Variants in PUS10 observed in about 807,000 individuals in gnomAD.
PUS10 encodes the protein tRNA pseudouridine synthase Pus10.
In PUS10, 59 loss-of-function variants were observed where a neutral mutation model predicts 75.0. That is an observed-to-expected ratio of 0.79 (90% CI 0.64 to 0.98). The LOEUF is 0.98. Ranked by LOEUF, PUS10 falls within the 50% of genes least tolerant of loss-of-function variation. The pLI, the probability that PUS10 is intolerant of heterozygous loss-of-function variation, is 0.00. For synonymous variants in PUS10, 219 were observed against 211.6 expected (o/e 1.03, Z -0.30); for missense variants, 650 against 614.4 (o/e 1.06, Z -0.61).
chr2:60,989,068 T>C lies in PUS10; in HGVS notation c.468+17489A>G, dbSNP rs143695077. ...AACAATTTGAAAGCTAGAAAGCAGA[T>C]TGAACAGTGGTAAAGGACTTAGCAG... On this transcript the variant is annotated intron_variant, in intron 4 of 17. Transcript: ENST00000316752. Among the ~76,000 whole-genome samples the C allele has an allele frequency of 3.5e-4, 53 of 152,164 alleles. 1 individual carries two copies. Among genetic ancestry groups the C allele is most frequent in the African/African-American group, 1.2e-3 (50 of 41,514 alleles).
chr2:60,944,878 T>A (rs1256288258), intron 17 of PUS10, 131 bp downstream of exon 17: 7 of 659,796 alleles, frequency 1.1e-5, no homozygotes, highest in Non-Finnish European at 1.6e-5. Context: ...TTCAATACAA[T>A]GTTACTGTGA....
chr2:61,005,570 GTCTGTTTC>G (rs1679156956), intron 4 of PUS10, among the ~76,000 whole-genome samples: 1 of 152,018 alleles, frequency 6.6e-6, no homozygotes, highest in Non-Finnish European at 1.5e-5. Flanking sequence ...GCTTTCGGAA[GTCTGTTTC>G]TCTCTACCAA....
intron 1 of PUS10, 76 bp downstream of exon 1, chr2:61,017,922 CGGTTGTTAGT>C: frequency 6.8e-7 from 1 of 1,465,032 alleles, no homozygotes; most frequent in South Asian, 1.2e-5. Flanking sequence ...GCGGTTGTAG[CGGTTGTTAGT>C]GGAGGTATTC....
chr2:61,008,803 T>C lies in PUS10; in HGVS notation c.339A>G (p.Leu113=). The change falls in exon 3 of 18, where the codon CTA becomes CTG. Residue 113 remains leucine (L), a synonymous_variant. Transcript: ENST00000316752. ...NSNLNVCNVC[L]GILQEFCEKD... The stretch of plus-strand genomic sequence containing the variant: ...TCTCACAGAATTCTTGAAGAATTCC[T>C]AGGCATACATTACATACATTTAAAT... 1 of 1,599,146 alleles carries C rather than the reference T, an allele frequency of 6.3e-7. No homozygotes were observed. The highest frequency in any genetic ancestry group is 8.5e-7 in the Non-Finnish European group (1 of 1,172,812).
rs1323145794 is a variant in PUS10 at position 61,011,772 on chromosome 2, G to A, written c.119C>T (p.Pro40Leu). ...GVDFHAPYKLPYKELLNELQK... is the reference protein window; with the variant it reads ...GVDFHAPYKLLYKELLNELQK... ...AAAAAGAAAAGAAAATACCTTGTAT[G>A]GAAGTTTGTAAGGTGCATGAAAATC... The change falls in exon 2 of 18, where the codon CCA (proline) becomes CTA (leucine). Residue 40 changes from proline to leucine, a missense_variant. Transcript: ENST00000316752. 4 of 1,567,270 alleles carry A rather than the reference G, an allele frequency of 2.6e-6. No individual in the cohort carries two copies. The highest frequency in any genetic ancestry group is 2.6e-6 in the Non-Finnish European group (3 of 1,160,938).
chr2:61,015,451 G>C (rs533438356), intron 1 of PUS10, among the ~76,000 whole-genome samples: 1 of 152,260 alleles, frequency 6.6e-6, no homozygotes, highest in Admixed American at 6.5e-5. Context: ...AGTAAGCCCA[G>C]GACTTTGGGA....
intron 4 of PUS10, among the ~76,000 whole-genome samples, chr2:60,972,796 T>C (rs901540571): frequency 6.6e-6 from 1 of 152,252 alleles, no homozygotes; most frequent in African/African-American, 2.4e-5. Context: ...TTCCTTCGGA[T>C]GACCAGTAGG....
intron 15 of PUS10, among the ~76,000 whole-genome samples, chr2:60,952,371 T>C (rs962602129): frequency 2.0e-5 from 3 of 150,350 alleles, no homozygotes; most frequent in Admixed American, 6.6e-5. Context: ...GAAAGTAAAC[T>C]ATTTTTATAA....
At chr2:60,959,171 G>C (rs1675858174) in intron 11 of PUS10, among the ~76,000 whole-genome samples, 1 of 152,192 alleles carries the variant, frequency 6.6e-6, no homozygotes. Flanking sequence ...CTCTAGGCCT[G>C]AACTTTATTC....
chr2:60,968,273 G>A (rs1348325756), intron 5 of PUS10, among the ~76,000 whole-genome samples: 1 of 152,180 alleles, frequency 6.6e-6, no homozygotes, highest in Non-Finnish European at 1.5e-5. Context: ...CTAAAATTGT[G>A]ATAGAAAGGA....
At chr2:61,015,265 C>T (rs894481148) in intron 1 of PUS10, among the ~76,000 whole-genome samples, 1 of 152,050 alleles carries the variant, frequency 6.6e-6, no homozygotes, top group East Asian at 1.9e-4. Flanking sequence ...TTTGGGAGGC[C>T]GAGGCAGGCA....
rs539943269 is a variant in PUS10 at position 60,979,711 on chromosome 2, A to C, written c.469-8154T>G. 1.6e-4 allele frequency among the ~76,000 whole-genome samples: 25 copies of C among 152,358 alleles called. No individual in the cohort carries two copies. The South Asian group carries it at 2.9e-3, about 18-fold the overall frequency. On this transcript the variant is annotated intron_variant, in intron 4 of 17. Transcript: ENST00000316752. ...CCTCTTTTCTTTCCCTACATGGTTG[A>C]GAAAAAAGAAAATGAAGTGAGACAT...
chr2:61,001,794 T>G (rs768803933), intron 4 of PUS10, among the ~76,000 whole-genome samples: 1 of 152,214 alleles, frequency 6.6e-6, no homozygotes. Flanking sequence ...TTCATTCAGA[T>G]GTATTTTCCC....
At chr2:60,995,713 T>C (rs1181059694) in intron 4 of PUS10, among the ~76,000 whole-genome samples, 4 of 152,230 alleles carry the variant, frequency 2.6e-5, no homozygotes, top group African/African-American at 7.2e-5. Context: ...AGAAAAAGGA[T>C]GTGTTTCATC....
intron 16 of PUS10, among the ~76,000 whole-genome samples, chr2:60,946,093 A>C (rs1016983722): frequency 6.6e-6 from 1 of 152,178 alleles, no homozygotes; most frequent in African/African-American, 2.4e-5. Context: ...TTTTTTGGTA[A>C]ACTCACAACT....
chr2:61,012,834 CAAAAAAAAAAAA>C (rs70959885), intron 1 of PUS10, among the ~76,000 whole-genome samples: 4 of 30,158 alleles, frequency 1.3e-4, no homozygotes, highest in South Asian at 3.0e-3. Flanking sequence ...AACTCCGTCT[CAAAAAAAAAAAA>C]AAAAAAAAAA....
chr2:60,982,901 C>G (rs925097761), intron 4 of PUS10, among the ~76,000 whole-genome samples: 51 of 152,040 alleles, frequency 3.4e-4, no homozygotes, highest in African/African-American at 1.2e-3. Flanking sequence ...GCGATCATGA[C>G]TCACTGCAGC....
At chr2:60,991,467 T>C (rs181022228) in intron 4 of PUS10, among the ~76,000 whole-genome samples, 50 of 152,314 alleles carry the variant, frequency 3.3e-4, no homozygotes, top group African/African-American at 1.1e-3. Context: ...GTATTTATTT[T>C]TATTTGAGAG....
At chr2:60,951,405 T>C (rs55952382) in intron 15 of PUS10, among the ~76,000 whole-genome samples, 5,441 of 152,236 alleles carry the variant, frequency 0.036, 342 homozygotes, top group African/African-American at 0.12. Context: ...AATGAAATAA[T>C]TTTACAGCTC....
Sources: gnomAD v4.1 joint callset for allele counts (sites outside exome capture counted in the v4.1 genomes callset) on GRCh38, gnomAD v4.1.1 for gene constraint, MANE v1.5 for transcripts, NCBI Gene and HGNC (gene_info 2026-07-23, HGNC 2026-07-21) for gene names.